Variants in RBFOX1 observed in about 807,000 individuals in gnomAD.
RBFOX1 encodes RNA binding fox-1 homolog 1, also known as RNA binding protein fox-1 homolog 1.
A neutral mutation model predicts 57.7 loss-of-function variants in RBFOX1; 8 were observed. That is an observed-to-expected ratio of 0.14 (90% confidence interval 0.08 to 0.25). RBFOX1 has a LOEUF of 0.25. RBFOX1 is among the 10% of genes least tolerant of loss of function. The pLI is 1.00. For synonymous variants in RBFOX1, 326 were observed against 222.4 expected (o/e 1.47, Z -4.15); for missense variants, 611 against 548.5 (o/e 1.11, Z -1.14).
chr16:6,346,146 C>T (rs868659478), intron 2 of RBFOX1, among the ~76,000 whole-genome samples: 3 of 152,078 alleles, frequency 2.0e-5, no homozygotes, highest in Admixed American at 6.6e-5. Context: ...TTCCCTTTAG[C>T]TTAGTAATTT....
intron 2 of RBFOX1, among the ~76,000 whole-genome samples, chr16:6,493,291 G>A (rs1472440837): frequency 6.6e-6 from 1 of 152,114 alleles, no homozygotes; most frequent in Non-Finnish European, 1.5e-5. Context: ...TTTGGAATGG[G>A]GTGGTGGGGT....
chr16:5,414,788 T>C (rs2067117564), intron 1 of RBFOX1, among the ~76,000 whole-genome samples: 2 of 152,132 alleles, frequency 1.3e-5, no homozygotes, highest in Non-Finnish European at 1.5e-5. Context: ...TGGCTGGACA[T>C]AACGTGACAT....
intron 3 of RBFOX1, among the ~76,000 whole-genome samples, chr16:5,737,012 T>G (rs1041699153): frequency 5.9e-5 from 9 of 151,644 alleles, no homozygotes; most frequent in African/African-American, 1.9e-4. Context: ...TCATCCTCTT[T>G]CCCTCAAGCA....
At chr16:5,242,846 C>T (rs149860119) in intron 1 of RBFOX1, among the ~76,000 whole-genome samples, 2 of 150,674 alleles carry the variant, frequency 1.3e-5, no homozygotes, top group Non-Finnish European at 2.9e-5. Flanking sequence ...GGCTCCCAGG[C>T]TGTGCTCTTG....
chr16:5,966,577 C>T (rs954028452), intron 4 of RBFOX1, among the ~76,000 whole-genome samples: 1 of 152,218 alleles, frequency 6.6e-6, no homozygotes, highest in Non-Finnish European at 1.5e-5. Context: ...GCCTCAGCCT[C>T]CCAAGTAGCT....
Position 5,565,554 on chromosome 16 carries a change from G to A in RBFOX1, c.259-33348G>A, listed in dbSNP as rs578037946. The stretch of plus-strand genomic sequence containing the variant: ...GCAGGAGAATCACTTGAACCCGGGA[G>A]GCGGAGTTCGTGGTGAGCTGAGATC... On this transcript the variant is annotated intron_variant, in intron 2 of 2. Transcript: ENST00000585867. 3.9e-5 allele frequency among the ~76,000 whole-genome samples: 6 copies of A among 152,120 alleles called. No homozygotes were observed. In the East Asian group the frequency reaches 1.2e-3, roughly 30 times the overall value.
chr16:6,469,011 C>T (rs1375218824), intron 2 of RBFOX1, among the ~76,000 whole-genome samples: 2 of 152,000 alleles, frequency 1.3e-5, no homozygotes, highest in Non-Finnish European at 2.9e-5. Context: ...CCAGAAGCCC[C>T]AGGCATTGGA....
At chr16:5,954,847 C>G (rs929670387) in intron 4 of RBFOX1, among the ~76,000 whole-genome samples, 1 of 152,054 alleles carries the variant, frequency 6.6e-6, no homozygotes, top group African/African-American at 2.4e-5. Flanking sequence ...AGGAGGAGAG[C>G]ATTCCCAGGG....
intron 2 of RBFOX1, among the ~76,000 whole-genome samples, chr16:6,620,522 C>T (rs113192255): frequency 3.3e-4 from 50 of 151,482 alleles, no homozygotes; most frequent in African/African-American, 8.2e-4. Context: ...GAGATAGACA[C>T]GAAAAACCAT....
chr16:6,871,911 C>CTGTGTGTGTGTGTGTGTGTGTGTG (rs57684251), intron 3 of RBFOX1, among the ~76,000 whole-genome samples: 1 of 129,610 alleles, frequency 7.7e-6, no homozygotes, highest in African/African-American at 3.1e-5. Context: ...GGGAGAGAGT[C>CTGTGTGTGTGTGTGTGTGTGTGTG]TGTGTGTGTG....
At chr16:6,435,414 C>T (rs1175149584) in intron 2 of RBFOX1, among the ~76,000 whole-genome samples, 1 of 152,176 alleles carries the variant, frequency 6.6e-6, no homozygotes, top group African/African-American at 2.4e-5. Context: ...GATTCTCCTG[C>T]CTCAGCCTCC....
At chr16:7,560,625 G>C (rs1031202430) in intron 5 of RBFOX1, among the ~76,000 whole-genome samples, 8 of 152,002 alleles carry the variant, frequency 5.3e-5, no homozygotes, top group Non-Finnish European at 1.2e-4. Context: ...CAAGAAAAGA[G>C]GGGGCGAGTG....
intron 3 of RBFOX1, among the ~76,000 whole-genome samples, chr16:6,930,970 C>T (rs968433106): frequency 3.3e-5 from 5 of 152,140 alleles, no homozygotes; most frequent in African/African-American, 1.2e-4. Flanking sequence ...CCCCTACACA[C>T]ATACATATGT....
chr16:6,843,675 C>T (rs138899317), intron 3 of RBFOX1, among the ~76,000 whole-genome samples: 3,913 of 152,158 alleles, frequency 0.026, 64 homozygotes, highest in Middle Eastern at 0.072. Context: ...GGTGACAGAG[C>T]GAGACTCCAT....
chr16:5,510,774 AGT>A (rs2043555890), intron 2 of RBFOX1, among the ~76,000 whole-genome samples: 1 of 152,168 alleles, frequency 6.6e-6, no homozygotes, highest in Admixed American at 6.5e-5. Flanking sequence ...CACATAATTC[AGT>A]GTGGCGGGGC....
At chr16:6,254,311 A>T (rs2097647070) in intron 1 of RBFOX1, among the ~76,000 whole-genome samples, 1 of 152,212 alleles carries the variant, frequency 6.6e-6, no homozygotes, top group African/African-American at 2.4e-5. Context: ...GTTTATCAAC[A>T]ATATAAATAT....
At chr16:5,901,929 T>C (rs2058314096) in intron 4 of RBFOX1, among the ~76,000 whole-genome samples, 1 of 152,222 alleles carries the variant, frequency 6.6e-6, no homozygotes, top group Non-Finnish European at 1.5e-5. Context: ...TCTTTGGTTC[T>C]CCACCTAGAA....
chr16:7,303,484 G>T (rs1019041561), intron 4 of RBFOX1, among the ~76,000 whole-genome samples: 2 of 152,238 alleles, frequency 1.3e-5, no homozygotes, highest in African/African-American at 4.8e-5. Context: ...CTGATGCCGG[G>T]CGCGCGGGGC....
At chr16:5,969,298 CTTTTTT>C (rs71142659) in intron 4 of RBFOX1, among the ~76,000 whole-genome samples, 4 of 83,750 alleles carry the variant, frequency 4.8e-5, no homozygotes, top group South Asian at 5.1e-4. Flanking sequence ...TTCGGTTGTT[CTTTTTT>C]TTTTTTTTTT....
Sources: gnomAD v4.1 joint callset for allele counts (sites outside exome capture counted in the v4.1 genomes callset) on GRCh38, gnomAD v4.1.1 for gene constraint, MANE v1.5 for transcripts, NCBI Gene and HGNC (gene_info 2026-07-23, HGNC 2026-07-21) for gene names.